Variants in DHX29 observed in about 807,000 individuals in gnomAD.
DHX29 encodes the protein DExH-box helicase 29.
Under a neutral mutation model 167.9 loss-of-function variants are expected in DHX29, and 79 were observed. The observed-to-expected ratio is 0.47, with a 90% CI of 0.39 to 0.57. The LOEUF is 0.57. Among genes scored for constraint, DHX29 ranks in the 20% least tolerant of loss-of-function variants. The pLI is 0.00. For missense variants in DHX29, 1,347 were observed against 1,593.4 expected, an observed-to-expected ratio of 0.85 and a Z score of 2.63; for synonymous variants, 530 against 546.0, an observed-to-expected ratio of 0.97 and a Z score of 0.41.
At chr5:55,275,872 A>C (rs889285905) in intron 14 of DHX29, among the ~76,000 whole-genome samples, 1 of 151,940 alleles carries the variant, frequency 6.6e-6, no homozygotes, top group Non-Finnish European at 1.5e-5. Context: ...AAGAAAACCA[A>C]TGGCAAGGAT....
chr5:55,270,721 T>C lies in DHX29; in HGVS notation c.2865-15A>G. ...TTTCATGGTACCTAAAGAAATGTTT[T>C]AGGAGAGAATATGTAGATAATTGAC... On this transcript the variant is annotated splice_polypyrimidine_tract_variant and intron_variant, in intron 18 of 26. Transcript: ENST00000251636. The C allele has an allele frequency of 6.2e-7, 1 of 1,600,862 alleles. No homozygotes were observed. Among genetic ancestry groups the C allele is most frequent in the Non-Finnish European group, 8.6e-7 (1 of 1,168,810 alleles).
chr5:55,276,393 T>A lies in DHX29; in HGVS notation c.2300A>T (p.Glu767Val). 6.3e-7 allele frequency: 1 copy of A among 1,589,008 alleles called. No individual in the cohort carries two copies. The highest frequency in any genetic ancestry group is 8.5e-7 in the Non-Finnish European group (1 of 1,172,546). The change falls in exon 14 of 27, where the codon GAA becomes GTA. Residue 767 changes from glutamate (E) to valine (V), a missense_variant. Glu to Val is a moderately radical substitution (Grantham distance 121, BLOSUM62 -2). Around this residue, in one of 3 missense-constraint regions of DHX29, gnomAD observed 882 missense variants for 1,082.4 expected, o/e 0.81. Coordinates refer to ENST00000251636, the MANE Select transcript of DHX29 (RefSeq NM_019030.4). ...RSYPVEVFHL[E>V]DIIEETGFVL... is the part of the protein sequence containing the mutation. ...AAAGCCTGTTTCTTCTATTATATCT[T>A]CAAGATGAAAAACCTGCATAGAATA...
At chr5:55,267,405 T>C (rs987615766) in intron 22 of DHX29, among the ~76,000 whole-genome samples, 174 bp from the exon 23 acceptor site, 7 of 152,172 alleles carry the variant, frequency 4.6e-5, no homozygotes, top group African/African-American at 1.7e-4. Context: ...CAGATCTGTT[T>C]ACAGCATTGA....
At chr5:55,298,333 C>T (rs901817686) in intron 2 of DHX29, among the ~76,000 whole-genome samples, 20 of 152,112 alleles carry the variant, frequency 1.3e-4, no homozygotes, top group African/African-American at 4.3e-4. Context: ...GAGGGTGAAA[C>T]GGTATTCTAA....
At position 55,270,680 on chromosome 5, in the gene DHX29, G is replaced by T; in HGVS notation, c.2891C>A (p.Ser964Tyr). ...NKYHESSQMSSLVETFVSKAS... is the reference protein window; with the variant it reads ...NKYHESSQMSYLVETFVSKAS... ...TTTACTGACAAACGTCTCCACCAAAGAACTCATCTGACTGCTTTCATGGTA... is the reference window on the plus strand; with the variant it reads ...TTTACTGACAAACGTCTCCACCAAATAACTCATCTGACTGCTTTCATGGTA... The change falls in exon 19 of 27, where the codon TCT becomes TAT. Residue 964 changes from serine to tyrosine, a missense_variant. This residue lies in a region of DHX29 where 882 missense variants were observed against 1,082.4 expected (regional missense o/e 0.81). Transcript: ENST00000251636. The T allele has an allele frequency of 6.2e-7, 1 of 1,612,894 alleles. No homozygotes were observed. Among genetic ancestry groups the T allele is most frequent in the Non-Finnish European group, 8.5e-7 (1 of 1,178,944 alleles).
In DHX29 at chr5:55,302,176, C is replaced by T. The variant is rs530727138; in HGVS notation, c.188-3512G>A. ...TCTCCTATAAATTCATGTCAATGGTCATAAAGGAGAGTATATATTTAGTAG... is the reference window on the plus strand; with the variant it reads ...TCTCCTATAAATTCATGTCAATGGTTATAAAGGAGAGTATATATTTAGTAG... On this transcript the variant is annotated intron_variant, in intron 1 of 26. Transcript: ENST00000251636. Among the ~76,000 whole-genome samples, 8 of 152,258 alleles carry T rather than the reference C, an allele frequency of 5.3e-5. No homozygotes were observed. In the South Asian group the frequency reaches 1.2e-3, roughly 24 times the overall value.
At chr5:55,275,629 T>G (rs1270918680) in intron 14 of DHX29, among the ~76,000 whole-genome samples, 1 of 152,202 alleles carries the variant, frequency 6.6e-6, no homozygotes, top group African/African-American at 2.4e-5. Flanking sequence ...CTAGTACTAC[T>G]GGCTAAAATG....
At chr5:55,302,844 T>C (rs1329709342) in intron 1 of DHX29, among the ~76,000 whole-genome samples, 1 of 152,170 alleles carries the variant, frequency 6.6e-6, no homozygotes, top group African/African-American at 2.4e-5. Flanking sequence ...GTAAAGTGCA[T>C]AAGATTTATG....
chr5:55,283,567 G>A lies in DHX29; in HGVS notation c.1601C>T (p.Ser534Phe), dbSNP rs780346015. 1.2e-6 allele frequency: 2 copies of A among 1,614,066 alleles called. No homozygotes were observed. The highest frequency in any genetic ancestry group is 2.7e-5 in the African/African-American group (2 of 74,932). Residue 534 changes from serine to phenylalanine, a missense_variant, in exon 11 of 27, where the codon TCT becomes TTT. Ser to Phe is a radical substitution (Grantham distance 155). Transcript: ENST00000251636. The part of the protein sequence containing the change: ...WENLVSDEDF[S>F]ALSLESANVE... ...ATTTGCTGATTCCAAGGACAGTGCA[G>A]AAAAATCCTCATCCGAAACTAAATT...
chr5:55,300,609 G>A (rs1177535972), intron 1 of DHX29, among the ~76,000 whole-genome samples: 3 of 152,160 alleles, frequency 2.0e-5, no homozygotes, highest in Non-Finnish European at 4.4e-5. Flanking sequence ...GGAGGCAGAG[G>A]TTGCAGTGAG....
rs144077356 is a variant in DHX29, at chr5:55,296,648, A to G, written c.376-299T>C. 9.1e-4 allele frequency among the ~76,000 whole-genome samples: 138 copies of G among 152,312 alleles called. 2 individuals are homozygous for G. In the East Asian group the frequency reaches 0.024, roughly 27 times the overall value. ...GTAAAAAGAGATTTCACTTAACATT[A>G]TAACATAAGCACCTTCCCAAGTTAG... On this transcript the variant is annotated intron_variant, in intron 3 of 26. Coordinates refer to ENST00000251636, the MANE Select transcript of DHX29 (RefSeq NM_019030.4).
intron 1 of DHX29, among the ~76,000 whole-genome samples, chr5:55,301,293 G>A (rs1748585468): frequency 6.6e-6 from 1 of 152,152 alleles, no homozygotes; most frequent in Non-Finnish European, 1.5e-5. Context: ...ATGAGAAAAT[G>A]AGCGTGAAAA....
intron 20 of DHX29, among the ~76,000 whole-genome samples, chr5:55,269,857 G>T (rs1561141277): frequency 6.6e-6 from 1 of 151,892 alleles, no homozygotes; most frequent in Non-Finnish European, 1.5e-5. Flanking sequence ...AGGGAATAAG[G>T]ATTAGATTTT....
chr5:55,273,913 C>T (rs1746971019), intron 16 of DHX29, among the ~76,000 whole-genome samples: 1 of 151,990 alleles, frequency 6.6e-6, no homozygotes, highest in Admixed American at 6.6e-5. Context: ...ATGGTAAAAC[C>T]CCATCTCTAC....
intron 8 of DHX29, 140 bp downstream of exon 8, chr5:55,289,130 T>A (rs917983490): frequency 5.3e-6 from 5 of 951,072 alleles, no homozygotes; most frequent in Admixed American, 7.5e-5. Flanking sequence ...TAATACTTTT[T>A]CAAGACAGCT....
At chr5:55,289,228 T>C (rs2111925727) in intron 8 of DHX29, 42 bp downstream of exon 8, 1 of 1,487,432 alleles carries the variant, frequency 6.7e-7, no homozygotes, top group Middle Eastern at 2.5e-4. Context: ...TGACATTTTA[T>C]TATTTACAAA....
chr5:55,281,507 C>T lies in DHX29; in HGVS notation c.1974G>A (p.Leu658=). The change falls in exon 12 of 27, where the codon TTG becomes TTA. Residue 658 remains leucine, a synonymous_variant. Coordinates refer to ENST00000251636, the MANE Select transcript of DHX29 (RefSeq NM_019030.4). ...CENGPGGRNS[L]CGYQIRMESR... Reference sequence around the variant, plus strand: ...ATTCCATCCGGATCTGATATCCACACAAGGAATTCTAAAGGGAGAACATAA... The same window carrying T: ...ATTCCATCCGGATCTGATATCCACATAAGGAATTCTAAAGGGAGAACATAA... 2 of 1,582,992 alleles carry T rather than the reference C, an allele frequency of 1.3e-6. No homozygotes were observed. Among genetic ancestry groups the T allele is most frequent in the Non-Finnish European group, 8.6e-7 (1 of 1,165,620 alleles).
chr5:55,272,871 GTTAC>G (rs2111836986), intron 17 of DHX29, among the ~76,000 whole-genome samples: 2 of 152,212 alleles, frequency 1.3e-5, no homozygotes, highest in African/African-American at 4.8e-5. Flanking sequence ...TCCTGGCTCT[GTTAC>G]TTATTAGCTT....
intron 6 of DHX29, among the ~76,000 whole-genome samples, chr5:55,292,839 G>T (rs1489828637): frequency 1.3e-5 from 2 of 151,842 alleles, no homozygotes; most frequent in Admixed American, 6.6e-5. Context: ...GCATCCTTTA[G>T]GTCCCATCTC....
Sources: gnomAD v4.1 joint callset for allele counts (sites outside exome capture counted in the v4.1 genomes callset) on GRCh38, gnomAD v4.1.1 for gene constraint, gnomAD v4.1.1 regional missense constraint, MANE v1.5 for transcripts, NCBI Gene and HGNC (gene_info 2026-07-23, HGNC 2026-07-21) for gene names.